Variants in KLF12 observed in about 807,000 individuals in gnomAD.
The protein encoded by KLF12 is Krueppel-like factor 12.
KLF12 carries 9 observed loss-of-function variants against 37.8 expected under a neutral mutation model. That is an observed-to-expected ratio of 0.24 (90% CI 0.14 to 0.42). KLF12 has a LOEUF of 0.42. KLF12 is among the 10% of genes least tolerant of loss of function. KLF12 has a pLI of 1.00. For synonymous variants in KLF12, 208 were observed against 202.1 expected, an observed-to-expected ratio of 1.03 and a Z score of -0.25; for missense variants, 411 against 516.0, an observed-to-expected ratio of 0.80 and a Z score of 1.97.
chr13:74,031,080 C>A (rs1250009888), intron 1 of KLF12, among the ~76,000 whole-genome samples: 2 of 152,090 alleles, frequency 1.3e-5, no homozygotes, highest in African/African-American at 2.4e-5. Flanking sequence ...CAGTCCAAGA[C>A]TCAGTAGATT....
intron 1 of KLF12, among the ~76,000 whole-genome samples, chr13:74,129,244 T>C (rs986810942): frequency 2.0e-5 from 3 of 152,272 alleles, no homozygotes; most frequent in Non-Finnish European, 2.9e-5. Flanking sequence ...TATAAAGTTA[T>C]GATTTTATTT....
At chr13:74,187,374 A>G in the KLF12 span, among the ~76,000 whole-genome samples, 3 of 152,050 alleles carry the variant, frequency 2.0e-5, no homozygotes, top group African/African-American at 7.2e-5. Context: ...GTGGTTAACT[A>G]ACCTTGCCAT....
the KLF12 span, among the ~76,000 whole-genome samples, chr13:74,245,330 TATCTATC>T: frequency 1.3e-5 from 2 of 148,838 alleles, no homozygotes; most frequent in Non-Finnish European, 3.0e-5. Flanking sequence ...TCTATCTATC[TATCTATC>T]TATCATCTAC....
chr13:73,937,312 T>A (rs1889989774), intron 3 of KLF12, among the ~76,000 whole-genome samples: 1 of 152,196 alleles, frequency 6.6e-6, no homozygotes, highest in South Asian at 2.1e-4. Flanking sequence ...TGGTCCAGAT[T>A]TTTTTAAAAA....
At chr13:74,305,355 G>C in the KLF12 span, among the ~76,000 whole-genome samples, 1 of 152,062 alleles carries the variant, frequency 6.6e-6, no homozygotes, top group African/African-American at 2.4e-5. Flanking sequence ...TACTGAAACT[G>C]ACTTATTTAC....
Position 73,956,960 on chromosome 13 carries a change from AAGGGAAAGGAAAGGAGGGAAAGG to A in KLF12, c.34-12913_34-12891del, listed in dbSNP as rs1252376569. Among the ~76,000 whole-genome samples the A allele has an allele frequency of 2.0e-5, 3 of 150,640 alleles. No homozygotes were observed. In the East Asian group the frequency reaches 5.9e-4, roughly 29 times the overall value. On this transcript the variant is annotated intron_variant, in intron 2 of 7. Transcript: ENST00000377669. ...AGAAAGGGAGGGAAGGGAAGGAAAA[AAGGGAAAGGAAAGGAGGGAAAGG>A]AGGGAAGGGAAAGGAGGGAAAGGAA... is the stretch of plus-strand genomic sequence containing the variant.
chr13:74,227,869 A>G, the KLF12 span, among the ~76,000 whole-genome samples: 1 of 152,216 alleles, frequency 6.6e-6, no homozygotes, highest in African/African-American at 2.4e-5. Context: ...TTGATATATC[A>G]GGATAACAGA....
chr13:74,137,876 T>C (rs1878603979), upstream of KLF12, among the ~76,000 whole-genome samples: 2 of 152,222 alleles, frequency 1.3e-5, no homozygotes, highest in African/African-American at 4.8e-5. Context: ...TTCTCCTGCC[T>C]CAGACTCACA....
chr13:74,280,697 T>C, the KLF12 span, among the ~76,000 whole-genome samples: 1 of 152,226 alleles, frequency 6.6e-6, no homozygotes, highest in African/African-American at 2.4e-5. Flanking sequence ...AAAGAACCTT[T>C]GGTTTTCCAC....
intron 1 of KLF12, among the ~76,000 whole-genome samples, chr13:74,046,898 A>G (rs1893562345): frequency 1.3e-5 from 2 of 152,194 alleles, no homozygotes; most frequent in Non-Finnish European, 1.5e-5. Flanking sequence ...ATATATCTTA[A>G]ATTTTATTTT....
At chr13:73,727,048 A>G (rs1288093134) in intron 6 of KLF12, among the ~76,000 whole-genome samples, 2 of 152,120 alleles carry the variant, frequency 1.3e-5, no homozygotes, top group Non-Finnish European at 2.9e-5. Context: ...TGATGTTGAG[A>G]ATTTTTTCCT....
intron 1 of KLF12, among the ~76,000 whole-genome samples, chr13:74,032,566 G>A (rs535081356): frequency 3.9e-5 from 6 of 152,188 alleles, no homozygotes; most frequent in Non-Finnish European, 8.8e-5. Context: ...TCAACTCAAC[G>A]CTTGCTTTCT....
chr13:73,723,656 C>T (rs913220268), intron 6 of KLF12, among the ~76,000 whole-genome samples: 7 of 152,146 alleles, frequency 4.6e-5, no homozygotes, highest in Admixed American at 2.0e-4. Context: ...CTCTTGAACA[C>T]ATCTGATTTG....
chr13:73,943,820 T>C (rs1484068911), intron 3 of KLF12, among the ~76,000 whole-genome samples, 161 bp downstream of exon 3: 1 of 152,216 alleles, frequency 6.6e-6, no homozygotes, highest in Non-Finnish European at 1.5e-5. Flanking sequence ...TGCAAATGGG[T>C]ACAGATCAAC....
At chr13:73,857,341 G>A (rs979237528) in intron 3 of KLF12, among the ~76,000 whole-genome samples, 3 of 152,168 alleles carry the variant, frequency 2.0e-5, no homozygotes, top group African/African-American at 2.4e-5. Flanking sequence ...GACTTAAAAA[G>A]GGGCCTGGTG....
chr13:73,995,595 A>G (rs2138274204), intron 1 of KLF12, among the ~76,000 whole-genome samples: 1 of 152,286 alleles, frequency 6.6e-6, no homozygotes, highest in African/African-American at 2.4e-5. Context: ...ATGTCAGCCA[A>G]TACCCAAGTA....
chr13:74,294,584 G>C, the KLF12 span, among the ~76,000 whole-genome samples: 7 of 152,088 alleles, frequency 4.6e-5, no homozygotes, highest in Admixed American at 2.6e-4. Flanking sequence ...GACCACCATG[G>C]TCTTGATCTG....
intron 6 of KLF12, among the ~76,000 whole-genome samples, chr13:73,745,667 C>T (rs17071072): frequency 0.019 from 2,834 of 152,096 alleles, 72 homozygotes; most frequent in African/African-American, 0.061. Context: ...TTGTTCTGCA[C>T]GTATGTAATT....
At chr13:74,151,498 C>A in the KLF12 span, among the ~76,000 whole-genome samples, 1 of 151,856 alleles carries the variant, frequency 6.6e-6, no homozygotes, top group Admixed American at 6.6e-5. Flanking sequence ...AAAAAAAACA[C>A]AAAAATTAGC....
Sources: allele counts gnomAD v4.1 joint callset (sites outside exome capture counted in the v4.1 genomes callset), GRCh38; gene constraint gnomAD v4.1.1; transcripts MANE v1.5; gene names NCBI Gene and HGNC (gene_info 2026-07-23, HGNC 2026-07-21).